Variants in ERGIC1 observed in about 807,000 individuals in gnomAD.
ERGIC1 encodes endoplasmic reticulum-golgi intermediate compartment 1.
In ERGIC1, 19 loss-of-function variants were observed where a neutral mutation model predicts 38.3. The observed-to-expected ratio is 0.50, with a 90% CI of 0.35 to 0.73. The LOEUF (loss-of-function observed/expected upper bound fraction) is 0.73. ERGIC1 is among the 30% of genes least tolerant of loss of function. The pLI, the probability that ERGIC1 is intolerant of heterozygous loss-of-function variation, is 0.01. For synonymous variants in ERGIC1, 124 were observed against 157.6 expected, an observed-to-expected ratio of 0.79 and a Z score of 1.60; for missense variants, 294 against 389.2, an observed-to-expected ratio of 0.76 and a Z score of 2.06.
intron 1 of ERGIC1, among the ~76,000 whole-genome samples, chr5:172,876,666 T>C (rs570033203): frequency 6.6e-6 from 1 of 152,338 alleles, no homozygotes; most frequent in South Asian, 2.1e-4. Flanking sequence ...TATACGTCCA[T>C]GAAACCATCA....
At chr5:172,943,895 T>A (rs1043701596) in intron 9 of ERGIC1, among the ~76,000 whole-genome samples, 2 of 151,658 alleles carry the variant, frequency 1.3e-5, no homozygotes, top group South Asian at 4.1e-4. Flanking sequence ...CCTTCTCATA[T>A]TATAAGGAAT....
At chr5:172,920,240 A>G in intron 5 of ERGIC1, 2 of 703,098 alleles carry the variant, frequency 2.8e-6, no homozygotes, top group Non-Finnish European at 2.7e-6. Context: ...CCGCCCATCA[A>G]GAGGTGCTCA....
rs1167803473 is a variant in ERGIC1 at position 172,834,769 on chromosome 5, G to A, written c.20+336G>A. On this transcript the variant is annotated intron_variant, in intron 1 of 9. Transcript: ENST00000393784. The surrounding 1 kb of genome is among the most constrained non-coding windows in gnomAD (Gnocchi z 4.1). ...GATGGGAACAGCCCATAACACCCCAGCATCCCTCTCCTCCCTCTACTGAGC... is the reference window on the plus strand; with the variant it reads ...GATGGGAACAGCCCATAACACCCCAACATCCCTCTCCTCCCTCTACTGAGC... 2.0e-5 allele frequency among the ~76,000 whole-genome samples: 3 copies of A among 152,050 alleles called. No homozygotes were observed.
chr5:172,950,731 C>T lies in ERGIC1; in HGVS notation c.788C>T (p.Thr263Ile). ...ITTICAIIGG[T>I]FTVAGILDSC... is the part of the protein sequence containing the mutation. ...CAGATCTGTGCCATCATTGGCGGGA[C>T]CTTCACCGTCGCCGGCATCCTGGAC... Residue 263 changes from threonine to isoleucine, a missense_variant, in exon 10 of 10, where the codon ACC (threonine) becomes ATC (isoleucine). Thr to Ile is a moderately conservative substitution (Grantham distance 89, BLOSUM62 -1). Transcript: ENST00000393784. 1 of 1,612,926 alleles carries T rather than the reference C, an allele frequency of 6.2e-7. No homozygotes were observed. Among genetic ancestry groups the T allele is most frequent in the Non-Finnish European group, 8.5e-7 (1 of 1,179,198 alleles).
chr5:172,882,859 C>T (rs896453539), intron 1 of ERGIC1, among the ~76,000 whole-genome samples: 20 of 152,234 alleles, frequency 1.3e-4, no homozygotes, highest in Admixed American at 2.6e-4. Context: ...AATTCAGCAC[C>T]TCAAATTCAG....
At chr5:172,852,417 T>G (rs934334466) in intron 1 of ERGIC1, among the ~76,000 whole-genome samples, 1 of 151,850 alleles carries the variant, frequency 6.6e-6, no homozygotes, top group Non-Finnish European at 1.5e-5. Context: ...GTGGGCTTCC[T>G]GCTGACAGTG....
chr5:172,897,735 A>G (rs541678042), intron 3 of ERGIC1: 225 of 413,308 alleles, frequency 5.4e-4, no homozygotes, highest in African/African-American at 4.2e-3. Context: ...TGAGAGCCGA[A>G]GAGTTCAGTG....
intron 6 of ERGIC1, among the ~76,000 whole-genome samples, chr5:172,925,996 C>T (rs1763641932): frequency 6.6e-6 from 1 of 152,182 alleles, no homozygotes; most frequent in Non-Finnish European, 1.5e-5. Flanking sequence ...GATGGGGGGC[C>T]CACAGCTCTG....
chr5:172,881,375 G>T lies in ERGIC1; in HGVS notation c.21-7324G>T, dbSNP rs145224791. On this transcript the variant is annotated intron_variant, in intron 1 of 9. Coordinates refer to ENST00000393784, the MANE Select transcript of ERGIC1 (RefSeq NM_001031711.3). ...ATCTTATCTTAGTCTCATGTTTAAGGCTATCCAGTGGGCCTTATGCTTGTG... is the reference window on the plus strand; with the variant it reads ...ATCTTATCTTAGTCTCATGTTTAAGTCTATCCAGTGGGCCTTATGCTTGTG... Among the ~76,000 whole-genome samples the T allele has an allele frequency of 8.4e-3, 1,275 of 152,274 alleles. 5 individuals are homozygous for T. Among genetic ancestry groups the T allele is most frequent in the Middle Eastern group, 0.037 (11 of 294 alleles).
intron 1 of ERGIC1, among the ~76,000 whole-genome samples, chr5:172,865,164 C>G (rs1198685681): frequency 6.9e-6 from 1 of 145,442 alleles, no homozygotes; most frequent in East Asian, 2.0e-4. Context: ...AAGCAATTCT[C>G]TTGCCTCAGT....
intron 4 of ERGIC1, among the ~76,000 whole-genome samples, chr5:172,911,934 T>TGGGGC (rs1292160676): frequency 6.6e-6 from 1 of 152,028 alleles, no homozygotes; most frequent in East Asian, 1.9e-4. Flanking sequence ...TGCTAGCAGG[T>TGGGGC]GGGGCCCCCG....
At chr5:172,889,508 G>A (rs1240836555) in intron 2 of ERGIC1, among the ~76,000 whole-genome samples, 2 of 152,158 alleles carry the variant, frequency 1.3e-5, no homozygotes. Context: ...TCAGGGCTAG[G>A]CAGGGTAAAG....
Position 172,950,878 on chromosome 5 carries a change from G to A in ERGIC1, c.*62G>A. Reference sequence around the variant, plus strand: ...TCGCCAGCCTTGCCTCCAGTGCCCTGTCTCCTTTGGCCCTCAATCTGGTCC... The same window carrying A: ...TCGCCAGCCTTGCCTCCAGTGCCCTATCTCCTTTGGCCCTCAATCTGGTCC... On this transcript the variant is annotated 3_prime_UTR_variant, in exon 10 of 10. Coordinates refer to ENST00000393784, the MANE Select transcript of ERGIC1 (RefSeq NM_001031711.3). 14 of 1,453,752 alleles carry A rather than the reference G, an allele frequency of 9.6e-6. No individual in the cohort carries two copies. Among genetic ancestry groups the A allele is most frequent in the Non-Finnish European group, 1.3e-5 (14 of 1,061,214 alleles). The allele number at this position is 1,453,752 out of a possible 1,614,324, so 90.1% of individuals were successfully genotyped here.
intron 1 of ERGIC1, among the ~76,000 whole-genome samples, chr5:172,874,368 A>G (rs143981665): frequency 0.018 from 2,679 of 152,300 alleles, 27 homozygotes; most frequent in Non-Finnish European, 0.027. Flanking sequence ...GGCATGAGCC[A>G]CCATGCCTGG....
At chr5:172,925,668 A>G (rs551338136) in intron 6 of ERGIC1, among the ~76,000 whole-genome samples, 3 of 152,022 alleles carry the variant, frequency 2.0e-5, no homozygotes, top group East Asian at 1.9e-4. Flanking sequence ...GCCTGTCTCC[A>G]TACTTAAGCC....
At chr5:172,920,860 C>T (rs892369891) in intron 5 of ERGIC1, among the ~76,000 whole-genome samples, 1 of 152,254 alleles carries the variant, frequency 6.6e-6, no homozygotes, top group Non-Finnish European at 1.5e-5. Flanking sequence ...GGGTTTCTTA[C>T]TCCCAGGGGT....
At chr5:172,878,944 T>C (rs1254347355) in intron 1 of ERGIC1, among the ~76,000 whole-genome samples, 4 of 152,188 alleles carry the variant, frequency 2.6e-5, no homozygotes, top group Non-Finnish European at 5.9e-5. Flanking sequence ...GACAGGCTGG[T>C]GGCCAGGGCT....
chr5:172,892,062 G>GTTTTGTTTTGT (rs1762575993), intron 2 of ERGIC1, among the ~76,000 whole-genome samples: 1 of 90,228 alleles, frequency 1.1e-5, no homozygotes. Context: ...TAAAGAGTAT[G>GTTTTGTTTTGT]TTTTTTTTTT....
At chr5:172,881,183 G>T (rs554391657) in intron 1 of ERGIC1, among the ~76,000 whole-genome samples, 1 of 152,110 alleles carries the variant, frequency 6.6e-6, no homozygotes, top group Non-Finnish European at 1.5e-5. Context: ...GGAGGCGGAG[G>T]TTGCGATGAG....
Sources: gnomAD v4.1 joint callset for allele counts (sites outside exome capture counted in the v4.1 genomes callset) on GRCh38, gnomAD v4.1.1 for gene constraint, Gnocchi (gnomAD v3.1) non-coding constraint, MANE v1.5 for transcripts, NCBI Gene and HGNC (gene_info 2026-07-23, HGNC 2026-07-21) for gene names.